The following EYA1 variants were observed in gnomAD, a reference collection of about 807,000 sequenced individuals.
EYA1 encodes EYA transcriptional coactivator and phosphatase 1.
In EYA1, 16 loss-of-function variants were observed where a neutral mutation model predicts 82.0. The ratio of observed to expected loss-of-function variants is 0.20; its 90% confidence interval spans 0.13 to 0.30. The LOEUF is 0.30. Among genes scored for constraint, EYA1 ranks in the 10% least tolerant of loss-of-function variants. EYA1 has a pLI of 1.00. For missense variants in EYA1, 633 were observed against 730.7 expected (o/e 0.87, Z 1.54); for synonymous variants, 261 against 264.4 (o/e 0.99, Z 0.12).
chr8:71,256,171 A>G (rs933688959), intron 11 of EYA1, among the ~76,000 whole-genome samples: 1 of 152,204 alleles, frequency 6.6e-6, no homozygotes, highest in African/African-American at 2.4e-5. Flanking sequence ...AAAATTAAGT[A>G]TATAATTACT....
At chr8:71,390,707 T>A (rs973487656) in intron 2 of EYA1, among the ~76,000 whole-genome samples, 24 of 152,178 alleles carry the variant, frequency 1.6e-4, no homozygotes, top group African/African-American at 5.5e-4. Flanking sequence ...CTGATTTCAC[T>A]TATATTAATT....
intron 4 of EYA1, among the ~76,000 whole-genome samples, chr8:71,329,280 T>C (rs1365957146): frequency 6.6e-6 from 1 of 152,186 alleles, no homozygotes; most frequent in African/African-American, 2.4e-5. Flanking sequence ...TTTCTACCCG[T>C]CTTGAATACA....
At position 71,299,208 on chromosome 8, in the gene EYA1, C is replaced by A; in HGVS notation, c.665G>T (p.Gly222Val). The part of the protein sequence containing the change: ...QQDYPSYPSF[G>V]QGQYAQYYNS... ...ATAATACTGTGCGTACTGACCCTGG[C>A]CAAAACTGGGATAAGACGGATAGTC... The change falls in exon 9 of 18, where the codon GGC (glycine) becomes GTC (valine). Residue 222 changes from glycine to valine, a missense_variant. By Grantham distance (109) the Gly-to-Val change is moderately radical. Transcript: ENST00000340726. 2 of 1,614,024 alleles carry A rather than the reference C, an allele frequency of 1.2e-6. No homozygotes were observed.
intron 2 of EYA1, among the ~76,000 whole-genome samples, chr8:71,403,020 T>A (rs888262724): frequency 2.0e-5 from 3 of 152,118 alleles, no homozygotes; most frequent in Non-Finnish European, 2.9e-5. Flanking sequence ...AAGCTTTGAG[T>A]GGGTGAGATT....
At chr8:71,371,666 C>T (rs1345934417) in intron 2 of EYA1, among the ~76,000 whole-genome samples, 3 of 152,060 alleles carry the variant, frequency 2.0e-5, no homozygotes, top group Admixed American at 6.6e-5. Flanking sequence ...AGCAAAGCAA[C>T]TTGCAGGAAA....
chr8:71,368,951 G>T (rs1827920216), intron 2 of EYA1, among the ~76,000 whole-genome samples: 2 of 151,328 alleles, frequency 1.3e-5, no homozygotes, highest in South Asian at 4.2e-4. Context: ...CACTTTGGGA[G>T]GTCGAGGCAG....
chr8:71,511,147 TA>T (rs933791771), intron 2 of EYA1, among the ~76,000 whole-genome samples: 8 of 151,054 alleles, frequency 5.3e-5, no homozygotes, highest in East Asian at 1.9e-4. Flanking sequence ...TAAATGGTGC[TA>T]AAAAAAAATA....
At chr8:71,355,049 T>C in intron 2 of EYA1, 140 bp from the exon 3 acceptor site, 4 of 864,656 alleles carry the variant, frequency 4.6e-6, no homozygotes, top group South Asian at 2.8e-5. Flanking sequence ...AAATAATTCA[T>C]CTCACATTTT....
At chr8:71,206,011 G>C (rs1210069619) in intron 17 of EYA1, among the ~76,000 whole-genome samples, 2 of 152,062 alleles carry the variant, frequency 1.3e-5, no homozygotes, top group African/African-American at 2.4e-5. Flanking sequence ...AATTGCTCAG[G>C]AGCTAAAGCA....
chr8:71,299,151 G>T lies in EYA1; in HGVS notation c.722C>A (p.Thr241Asn). The change falls in exon 9 of 18, where the codon ACC becomes AAC. Residue 241 changes from threonine to asparagine, a missense_variant. By Grantham distance (65) the Thr-to-Asn change is moderately conservative. Coordinates refer to ENST00000340726, the MANE Select transcript of EYA1 (RefSeq NM_000503.6). ...TGTCGTTGGGCTGGTGTTGCTGCTG[G>T]TCATATAATGTGCTGGATACGGTGA... ...NSSPYPAHYMTSSNTSPTTPS... is the reference protein window; with the variant it reads ...NSSPYPAHYMNSSNTSPTTPS... 1 of 1,614,128 alleles carries T rather than the reference G, an allele frequency of 6.2e-7. No homozygotes were observed. Among genetic ancestry groups the T allele is most frequent in the Non-Finnish European group, 8.5e-7 (1 of 1,180,000 alleles).
chr8:71,398,906 G>T (rs13275232), intron 2 of EYA1, among the ~76,000 whole-genome samples: 38,413 of 152,180 alleles, frequency 0.25, 5,003 homozygotes, highest in Middle Eastern at 0.34. Context: ...GGAGTCTACA[G>T]AGGTAGGCAG....
At chr8:71,505,032 T>C (rs1487005496) in intron 2 of EYA1, among the ~76,000 whole-genome samples, 3 of 152,154 alleles carry the variant, frequency 2.0e-5, no homozygotes, top group Non-Finnish European at 4.4e-5. Flanking sequence ...ACTCCTGGTC[T>C]CAAATGATCT....
rs543147679 is a variant in EYA1 at position 71,285,103 on chromosome 8, G to A, written c.827-13206C>T. ...GATGCTCAATGGCTGGTAATGAAACGTTGACGAACATCATTAAAATCTCAT... is the reference window on the plus strand; with the variant it reads ...GATGCTCAATGGCTGGTAATGAAACATTGACGAACATCATTAAAATCTCAT... On this transcript the variant is annotated intron_variant, in intron 9 of 17. Coordinates refer to ENST00000340726, the MANE Select transcript of EYA1 (RefSeq NM_000503.6). Among the ~76,000 whole-genome samples the A allele has an allele frequency of 9.8e-5, 15 of 152,328 alleles. No individual in the cohort carries two copies. In the East Asian group the frequency reaches 2.3e-3, roughly 23 times the overall value.
At chr8:71,346,730 T>C (rs1009997093) in intron 3 of EYA1, among the ~76,000 whole-genome samples, 1 of 152,026 alleles carries the variant, frequency 6.6e-6, no homozygotes. Flanking sequence ...ATGTTGACTG[T>C]GGATGTTTTG....
intron 2 of EYA1, among the ~76,000 whole-genome samples, chr8:71,407,389 G>C (rs1480569183): frequency 4.1e-5 from 6 of 144,962 alleles, no homozygotes; most frequent in Non-Finnish European, 9.1e-5. Flanking sequence ...ACTTTGACGA[G>C]CTGAGAGAAG....
At chr8:71,455,064 G>A (rs1268443565) in intron 2 of EYA1, among the ~76,000 whole-genome samples, 2 of 152,136 alleles carry the variant, frequency 1.3e-5, no homozygotes, top group Non-Finnish European at 2.9e-5. Context: ...AATAAAAACT[G>A]ATAAAGGGGA....
chr8:71,455,395 C>T (rs184381057), intron 2 of EYA1, among the ~76,000 whole-genome samples: 1 of 152,300 alleles, frequency 6.6e-6, no homozygotes, highest in Admixed American at 6.5e-5. Flanking sequence ...GGAATCCTCC[C>T]TAACTCATTT....
At chr8:71,411,990 A>G (rs951627203) in intron 2 of EYA1, among the ~76,000 whole-genome samples, 1 of 151,992 alleles carries the variant, frequency 6.6e-6, no homozygotes, top group African/African-American at 2.4e-5. Flanking sequence ...AAATGTCCAA[A>G]AACGATAGAC....
At chr8:71,231,599 T>G (rs1053215990) in intron 12 of EYA1, among the ~76,000 whole-genome samples, 1 of 152,240 alleles carries the variant, frequency 6.6e-6, no homozygotes, top group Non-Finnish European at 1.5e-5. Flanking sequence ...AATTATTCTT[T>G]CACTTTTCTG....
Sources: gnomAD v4.1 joint callset for allele counts (sites outside exome capture counted in the v4.1 genomes callset) on GRCh38, gnomAD v4.1.1 for gene constraint, MANE v1.5 for transcripts, NCBI Gene and HGNC (gene_info 2026-07-23, HGNC 2026-07-21) for gene names.